Variants in SELENOI observed in about 807,000 individuals in gnomAD.
The protein encoded by SELENOI is selenoprotein I, also known as ethanolaminephosphotransferase 1.
Under a neutral mutation model 50.7 loss-of-function variants are expected in SELENOI, and 24 were observed. That is an observed-to-expected ratio of 0.47 (90% CI 0.34 to 0.67). The LOEUF is 0.67. SELENOI is among the 30% of genes least tolerant of loss of function. The pLI is 0.01. For synonymous variants in SELENOI, 155 were observed against 170.2 expected (o/e 0.91, Z 0.70); for missense variants, 352 against 461.4 (o/e 0.76, Z 2.17).
At chr2:26,372,390 C>T (rs1012664657) in intron 4 of SELENOI, among the ~76,000 whole-genome samples, 7 of 152,268 alleles carry the variant, frequency 4.6e-5, no homozygotes, top group South Asian at 2.1e-4. Context: ...GGATCATAGG[C>T]GTGAGCCACC....
chr2:26,356,852 T>C (rs1310036447), intron 1 of SELENOI, among the ~76,000 whole-genome samples: 1 of 152,130 alleles, frequency 6.6e-6, no homozygotes, highest in Middle Eastern at 3.2e-3. Context: ...TGGAGCTCCA[T>C]TGGCCTTCCT....
intron 6 of SELENOI, 39 bp from the exon 7 acceptor site, chr2:26,383,260 C>T (rs1384908801): frequency 6.9e-7 from 1 of 1,449,584 alleles, no homozygotes; most frequent in African/African-American, 1.4e-5. Flanking sequence ...AATAATTGCT[C>T]TTGAATAAGC....
At chr2:26,361,724 G>T (rs1677183126) in intron 1 of SELENOI, among the ~76,000 whole-genome samples, 1 of 151,802 alleles carries the variant, frequency 6.6e-6, no homozygotes, top group Admixed American at 6.6e-5. Context: ...CACAATCTTG[G>T]CTCACTGCAG....
intron 1 of SELENOI, among the ~76,000 whole-genome samples, chr2:26,347,258 A>G (rs1217108712): frequency 6.6e-6 from 1 of 152,102 alleles, no homozygotes; most frequent in Non-Finnish European, 1.5e-5. Context: ...CTGTTCGTTT[A>G]TGGAATTGCT....
Position 26,390,816 on chromosome 2 carries a change from G to A in SELENOI, c.*1713G>A, listed in dbSNP as rs753616966. On this transcript the variant is annotated 3_prime_UTR_variant, in exon 10 of 10. Coordinates refer to ENST00000260585, the MANE Select transcript of SELENOI (RefSeq NM_033505.4). ...TCAGAGAATTAACCAATTAAGTGAC[G>A]GTAACTATTTTTTGTATACCTTGTT... 1 of 152,084 alleles carries A rather than the reference G, an allele frequency of 6.6e-6. No individual in the cohort carries two copies. Among genetic ancestry groups the A allele is most frequent in the African/African-American group, 2.4e-5 (1 of 41,392 alleles). The allele number at this position is 152,084 out of a possible 1,614,324, so 9.4% of individuals were successfully genotyped here. A position where few individuals can be genotyped will look rare whatever the true frequency, so the allele number is the denominator to read the frequency against.
At chr2:26,362,290 C>G (rs960426562) in intron 1 of SELENOI, among the ~76,000 whole-genome samples, 1 of 151,888 alleles carries the variant, frequency 6.6e-6, no homozygotes, top group Non-Finnish European at 1.5e-5. Context: ...AGGATGGTCT[C>G]GATCTCCTGA....
chr2:26,363,482 C>T (rs949987635), intron 1 of SELENOI, among the ~76,000 whole-genome samples: 2 of 152,136 alleles, frequency 1.3e-5, no homozygotes, highest in Non-Finnish European at 2.9e-5. Context: ...TAAGTGAGGA[C>T]ATGTAAGCAA....
In SELENOI at chr2:26,395,638, C is replaced by T. The variant is rs1397286847; in HGVS notation, c.*6535C>T. The T allele has an allele frequency of 6.6e-6, 1 of 152,524 alleles. No individual in the cohort carries two copies. Among genetic ancestry groups the T allele is most frequent in the African/African-American group, 2.4e-5 (1 of 41,402 alleles). The allele number at this position is 152,524 out of a possible 1,614,324, so 9.4% of individuals were successfully genotyped here. On this transcript the variant is annotated 3_prime_UTR_variant, in exon 10 of 10. Coordinates refer to ENST00000260585, the MANE Select transcript of SELENOI (RefSeq NM_033505.4). ...AATGTGATGTACAAAGAGAGTATGC[C>T]GATGCATTTCATTGTTTTTGCATTA...
At chr2:26,385,664 T>C (rs998034170) in intron 8 of SELENOI, among the ~76,000 whole-genome samples, 1 of 152,128 alleles carries the variant, frequency 6.6e-6, no homozygotes. Flanking sequence ...AGATCAGGAG[T>C]TGAGAAAAGA....
intron 1 of SELENOI, among the ~76,000 whole-genome samples, chr2:26,362,172 C>G (rs1007958962): frequency 6.6e-6 from 1 of 152,018 alleles, no homozygotes; most frequent in African/African-American, 2.4e-5. Flanking sequence ...CGGGTTCACG[C>G]CATTCTCCTA....
chr2:26,389,105 AATC>A lies in SELENOI; in HGVS notation c.*3_*5del. 6.4e-7 allele frequency: 1 copy of A among 1,560,176 alleles called. No homozygotes were observed. The highest frequency in any genetic ancestry group is 8.7e-7 in the Non-Finnish European group (1 of 1,148,606). Reference sequence around the variant, plus strand: ...GAAGAAAAGAATATTGGCCTGTAATAATCTTTCTTTGGGCACAAAGAAGTACTG... The same window carrying A: ...GAAGAAAAGAATATTGGCCTGTAATATTTCTTTGGGCACAAAGAAGTACTG... On this transcript the variant is annotated 3_prime_UTR_variant, in exon 10 of 10. Coordinates refer to ENST00000260585, the MANE Select transcript of SELENOI (RefSeq NM_033505.4).
At chr2:26,368,002 G>A (rs909685612) in intron 4 of SELENOI, among the ~76,000 whole-genome samples, 7 of 152,118 alleles carry the variant, frequency 4.6e-5, no homozygotes, top group Non-Finnish European at 8.8e-5. Context: ...TGAGTACTGC[G>A]TTGTTCACTA....
intron 1 of SELENOI, among the ~76,000 whole-genome samples, chr2:26,361,330 G>A (rs1036319883): frequency 1.3e-5 from 2 of 152,194 alleles, no homozygotes; most frequent in Admixed American, 6.5e-5. Flanking sequence ...ACCGAGGGGC[G>A]ACTGTATATA....
intron 1 of SELENOI, among the ~76,000 whole-genome samples, chr2:26,349,069 G>A (rs1441604701): frequency 2.9e-5 from 4 of 138,444 alleles, no homozygotes; most frequent in Non-Finnish European, 6.1e-5. Context: ...AGGCTGGAGT[G>A]CAATGGCGCG....
intron 1 of SELENOI, among the ~76,000 whole-genome samples, chr2:26,359,968 G>C (rs1329334674): frequency 6.6e-6 from 1 of 152,130 alleles, no homozygotes; most frequent in African/African-American, 2.4e-5. Flanking sequence ...TGGTCCTCAA[G>C]CAGTTTTGAG....
At chr2:26,364,155 G>C in intron 1 of SELENOI, 147 bp from the exon 2 acceptor site, 1 of 395,824 alleles carries the variant, frequency 2.5e-6, no homozygotes. Flanking sequence ...GGGCTCAAGT[G>C]ATCCTCAGGC....
chr2:26,369,098 G>T (rs931056434), intron 4 of SELENOI, among the ~76,000 whole-genome samples: 1 of 152,104 alleles, frequency 6.6e-6, no homozygotes, highest in Admixed American at 6.6e-5. Context: ...TGTTTCTTTT[G>T]GGGGAAAAAT....
At chr2:26,349,400 G>T (rs1676902983) in intron 1 of SELENOI, among the ~76,000 whole-genome samples, 1 of 149,782 alleles carries the variant, frequency 6.7e-6, no homozygotes, top group Non-Finnish European at 1.5e-5. Flanking sequence ...TCCGCCTCCC[G>T]GGTTCAAGCA....
intron 1 of SELENOI, among the ~76,000 whole-genome samples, chr2:26,358,623 A>G (rs1314654827): frequency 1.3e-5 from 2 of 152,254 alleles, no homozygotes; most frequent in African/African-American, 2.4e-5. Flanking sequence ...CCAGATTTAT[A>G]TGCTGAGAGT....
Sources: allele counts gnomAD v4.1 joint callset (sites outside exome capture counted in the v4.1 genomes callset), GRCh38; gene constraint gnomAD v4.1.1; transcripts MANE v1.5; gene names NCBI Gene and HGNC (gene_info 2026-07-23, HGNC 2026-07-21).